Variants in TOM1 observed in about 807,000 individuals in gnomAD.
The protein encoded by TOM1 is target of Myb protein 1.
In TOM1, 38 loss-of-function variants were observed where a neutral mutation model predicts 61.3. The observed-to-expected ratio is 0.62, with a 90% CI of 0.48 to 0.81. TOM1 has a LOEUF of 0.81. Ranked by LOEUF, TOM1 falls within the 40% of genes least tolerant of loss-of-function variation. The pLI, the probability that TOM1 is intolerant of heterozygous loss-of-function variation, is 0.00. For synonymous variants in TOM1, 270 were observed against 268.8 expected (o/e 1.00, Z -0.04); for missense variants, 591 against 659.6 (o/e 0.90, Z 1.14).
intron 3 of TOM1, chr22:35,322,265 A>C: frequency 2.0e-6 from 1 of 506,668 alleles, no homozygotes; most frequent in Non-Finnish European, 3.5e-6. Flanking sequence ...CGCTTACATC[A>C]CTCCAGAACC....
chr22:35,314,224 A>G (rs112932071), intron 1 of TOM1, among the ~76,000 whole-genome samples: 3,313 of 151,206 alleles, frequency 0.022, 50 homozygotes, highest in Middle Eastern at 0.11. Flanking sequence ...CAGATGTCCC[A>G]CAGCCTCCCA....
At chr22:35,321,092 G>A (rs1927738381) in intron 2 of TOM1, among the ~76,000 whole-genome samples, 4 of 151,872 alleles carry the variant, frequency 2.6e-5, no homozygotes, top group Admixed American at 1.3e-4. Flanking sequence ...ACTCATGCCT[G>A]TAATCACAAC....
chr22:35,300,014 G>A (rs1040527544), intron 1 of TOM1, 34 bp downstream of exon 1: 11 of 1,553,232 alleles, frequency 7.1e-6, no homozygotes, highest in Admixed American at 3.9e-5. Flanking sequence ...GCTCCGCCCC[G>A]GTGCTCCGCA....
chr22:35,318,285 G>A (rs1380040850), intron 2 of TOM1: 1 of 413,498 alleles, frequency 2.4e-6, no homozygotes, highest in Admixed American at 3.8e-5. Context: ...TTAATCAGAA[G>A]TTGACCCCAA....
chr22:35,341,666 T>G (rs1443204534), intron 12 of TOM1, among the ~76,000 whole-genome samples: 1 of 152,066 alleles, frequency 6.6e-6, no homozygotes, highest in Non-Finnish European at 1.5e-5. Context: ...AGGGTTCACT[T>G]CCCTAGGGGC....
chr22:35,303,453 T>G (rs1440369605), intron 1 of TOM1, among the ~76,000 whole-genome samples: 1 of 151,706 alleles, frequency 6.6e-6, no homozygotes, highest in African/African-American at 2.4e-5. Context: ...TGTGAGTGTA[T>G]GGAAACATTA....
rs772266505 is a variant in TOM1 at position 35,330,404 on chromosome 22, A to G, written c.823A>G (p.Ile275Val). Residue 275 changes from isoleucine to valine, a missense_variant, in exon 8 of 15, where the codon ATC becomes GTC. Coordinates refer to ENST00000449058, the MANE Select transcript of TOM1 (RefSeq NM_005488.3). ...GCGGGTCCTGGAGCTCATCCCTCAG[A>G]TCGCCAATGAGCAGCTGACAGAGGA... Reference protein sequence around the residue: ...QQRVLELIPQIANEQLTEELL... With the variant: ...QQRVLELIPQVANEQLTEELL... 1 of 1,613,536 alleles carries G rather than the reference A, an allele frequency of 6.2e-7. No homozygotes were observed. Among genetic ancestry groups the G allele is most frequent in the Non-Finnish European group, 8.5e-7 (1 of 1,179,858 alleles).
At chr22:35,310,019 G>A (rs1343843506) in intron 1 of TOM1, among the ~76,000 whole-genome samples, 1 of 152,204 alleles carries the variant, frequency 6.6e-6, no homozygotes, top group African/African-American at 2.4e-5. Context: ...GCTCCACATG[G>A]TAGGGTTAAT....
intron 11 of TOM1, chr22:35,335,810 A>T (rs1929266338): frequency 6.5e-6 from 1 of 154,916 alleles, no homozygotes; most frequent in Admixed American, 6.5e-5. Context: ...GGCTCTGTGG[A>T]CACAGAGGAG....
rs780725033 is a variant in TOM1, at chr22:35,323,746, G to C, written c.502-22G>C. ...CTTGATGTTCCCAGGAGCCCTCACT[G>C]ATCCTGTTTTCCTCCCACTAGACCG... On this transcript the variant is annotated intron_variant, in intron 5 of 14. Transcript: ENST00000449058. This position sits in a 1 kb window ranked among gnomAD's most constrained non-coding sequence, Gnocchi z 4.2. 1 of 1,600,282 alleles carries C rather than the reference G, an allele frequency of 6.2e-7. No individual in the cohort carries two copies. Among genetic ancestry groups the C allele is most frequent in the South Asian group, 1.1e-5 (1 of 89,642 alleles).
chr22:35,346,326 GCCAC>G (rs1159559290), intron 13 of TOM1, among the ~76,000 whole-genome samples: 1 of 152,252 alleles, frequency 6.6e-6, no homozygotes, highest in African/African-American at 2.4e-5. Flanking sequence ...CGCAGCATCT[GCCAC>G]CCCGTCTCTG....
In TOM1 at chr22:35,323,235, C is replaced by G; in HGVS notation, c.366+58C>G. 2 of 1,595,070 alleles carry G rather than the reference C, an allele frequency of 1.3e-6. No individual in the cohort carries two copies. Among genetic ancestry groups the G allele is most frequent in the East Asian group, 2.2e-5 (1 of 44,764 alleles). Reference sequence around the variant, plus strand: ...GAAGAGCTGTCAGTGCAGGAGCTTCCTGCCCAGTGGAGAGTCGAGGCCATC... The same window carrying G: ...GAAGAGCTGTCAGTGCAGGAGCTTCGTGCCCAGTGGAGAGTCGAGGCCATC... On this transcript the variant is annotated intron_variant, in intron 4 of 14. Transcript: ENST00000449058. The surrounding 1 kb of genome is among the most constrained non-coding windows in gnomAD (Gnocchi z 4.2).
intron 9 of TOM1, 37 bp downstream of exon 9, chr22:35,333,051 G>A (rs1400904270): frequency 6.8e-6 from 11 of 1,610,948 alleles, no homozygotes; most frequent in Non-Finnish European, 8.5e-6. Flanking sequence ...ATCAGGCCCT[G>A]TTCATGGGAA....
At chr22:35,330,281 A>G in intron 7 of TOM1, 66 bp from the exon 8 acceptor site, 1 of 1,508,820 alleles carries the variant, frequency 6.6e-7, no homozygotes, top group Non-Finnish European at 8.9e-7. Flanking sequence ...CGTCTCACAA[A>G]AAAAAAAAGA....
At chr22:35,307,237 G>A (rs563056675) in intron 1 of TOM1, among the ~76,000 whole-genome samples, 4 of 152,172 alleles carry the variant, frequency 2.6e-5, no homozygotes, top group South Asian at 4.1e-4. Flanking sequence ...TATTATTTTC[G>A]TAGGGTTTTC....
chr22:35,340,957 C>G (rs771490363), intron 12 of TOM1, among the ~76,000 whole-genome samples: 1 of 152,176 alleles, frequency 6.6e-6, no homozygotes, highest in Non-Finnish European at 1.5e-5. Context: ...ACTCTACCAC[C>G]CAGTGGGCAA....
Position 35,323,539 on chromosome 22 carries a change from T to G in TOM1, c.410T>G (p.Val137Gly). 6.2e-7 allele frequency: 1 copy of G among 1,614,176 alleles called. No homozygotes were observed. Among genetic ancestry groups the G allele is most frequent in the Non-Finnish European group, 8.5e-7 (1 of 1,180,042 alleles). The stretch of plus-strand genomic sequence containing the variant: ...CGCAGCTCGCCCGATCTGACAGGTG[T>G]GGTCACCATCTATGAGGACCTGCGG... ...AFRSSPDLTG[V>G]VTIYEDLRRK... Residue 137 changes from valine to glycine, a missense_variant, in exon 5 of 15, where the codon GTG becomes GGG. Coordinates refer to ENST00000449058, the MANE Select transcript of TOM1 (RefSeq NM_005488.3). This position sits in a 1 kb window ranked among gnomAD's most constrained non-coding sequence, Gnocchi z 4.2.
chr22:35,303,131 A>AACACACACACACACACACACACAC (rs138739), intron 1 of TOM1, among the ~76,000 whole-genome samples: 21 of 149,280 alleles, frequency 1.4e-4, no homozygotes, highest in African/African-American at 5.2e-4. Flanking sequence ...CTCCCCTCCC[A>AACACACACACACACACACACACAC]ACACACACAC....
intron 9 of TOM1, 114 bp from the exon 10 acceptor site, chr22:35,333,290 C>G: frequency 1.0e-6 from 1 of 997,394 alleles, no homozygotes; most frequent in Non-Finnish European, 1.5e-6. Flanking sequence ...AGTCCTAGCT[C>G]CTGGGGCCCT....
Sources: gnomAD v4.1 joint callset for allele counts (sites outside exome capture counted in the v4.1 genomes callset) on GRCh38, gnomAD v4.1.1 for gene constraint, Gnocchi (gnomAD v3.1) non-coding constraint, MANE v1.5 for transcripts, NCBI Gene and HGNC (gene_info 2026-07-23, HGNC 2026-07-21) for gene names.